TAFA1: variants seen among roughly 807,000 people sequenced by gnomAD.
The protein encoded by TAFA1 is chemokine-like protein TAFA-1.
A neutral mutation model predicts 18.5 loss-of-function variants in TAFA1; 4 were observed. The observed-to-expected ratio is 0.22, with a 90% CI of 0.11 to 0.49. The LOEUF is 0.49. TAFA1 is among the 20% of genes least tolerant of loss of function. The pLI, the probability that TAFA1 is intolerant of heterozygous loss-of-function variation, is 0.98. For missense variants in TAFA1, 147 were observed against 169.0 expected, an observed-to-expected ratio of 0.87 and a Z score of 0.72; for synonymous variants, 56 against 55.2, an observed-to-expected ratio of 1.01 and a Z score of -0.06.
At chr3:68,533,334 C>T (rs574052021) in intron 3 of TAFA1, among the ~76,000 whole-genome samples, 1 of 152,184 alleles carries the variant, frequency 6.6e-6, no homozygotes, top group South Asian at 2.1e-4. Flanking sequence ...GGGGAAATCC[C>T]TTATAAAACC....
intron 2 of TAFA1, among the ~76,000 whole-genome samples, chr3:68,149,683 A>G (rs568619173): frequency 2.0e-5 from 3 of 152,348 alleles, no homozygotes; most frequent in South Asian, 4.1e-4. Flanking sequence ...CCATGACCCA[A>G]ACACCTCGGA....
At chr3:68,388,232 T>C (rs1016605065) in intron 2 of TAFA1, among the ~76,000 whole-genome samples, 1 of 152,138 alleles carries the variant, frequency 6.6e-6, no homozygotes, top group Non-Finnish European at 1.5e-5. Flanking sequence ...GTGAACACGT[T>C]AGTATCACTA....
At chr3:68,181,627 G>C (rs949136131) in intron 2 of TAFA1, among the ~76,000 whole-genome samples, 12 of 152,102 alleles carry the variant, frequency 7.9e-5, no homozygotes, top group African/African-American at 2.7e-4. Flanking sequence ...TTCATATGTG[G>C]TTCCAAATAT....
chr3:68,526,043 G>C (rs2073107358), intron 3 of TAFA1, among the ~76,000 whole-genome samples: 1 of 152,070 alleles, frequency 6.6e-6, no homozygotes, highest in Admixed American at 6.6e-5. Flanking sequence ...TGATTCCCTA[G>C]GATTTGGCTT....
intron 2 of TAFA1, among the ~76,000 whole-genome samples, chr3:68,371,615 C>G (rs2069708315): frequency 6.6e-6 from 1 of 152,078 alleles, no homozygotes; most frequent in Non-Finnish European, 1.5e-5. Context: ...TTTTCTTTAT[C>G]CAGTCTATCA....
intron 3 of TAFA1, among the ~76,000 whole-genome samples, chr3:68,423,689 G>C (rs2071002350): frequency 6.6e-6 from 1 of 151,736 alleles, no homozygotes; most frequent in African/African-American, 2.4e-5. Flanking sequence ...ATTGTTTAAG[G>C]CATAGTGGGA....
intron 3 of TAFA1, among the ~76,000 whole-genome samples, chr3:68,433,677 G>A (rs1029518308): frequency 2.0e-5 from 3 of 152,218 alleles, no homozygotes; most frequent in African/African-American, 7.2e-5. Flanking sequence ...ATGGATTTAT[G>A]TTCCAATTCC....
intron 2 of TAFA1, among the ~76,000 whole-genome samples, chr3:68,187,076 T>C (rs1221216338): frequency 6.6e-6 from 1 of 152,044 alleles, no homozygotes; most frequent in Non-Finnish European, 1.5e-5. Flanking sequence ...AGGAGTACCT[T>C]GTCAATAATG....
chr3:68,276,809 G>A (rs572057890), intron 2 of TAFA1, among the ~76,000 whole-genome samples: 1 of 152,182 alleles, frequency 6.6e-6, no homozygotes, highest in Admixed American at 6.6e-5. Context: ...TGGAGGGAGG[G>A]AGGAGGAAAA....
chr3:68,259,400 G>C (rs2067364745), intron 2 of TAFA1, among the ~76,000 whole-genome samples: 1 of 152,208 alleles, frequency 6.6e-6, no homozygotes, highest in Non-Finnish European at 1.5e-5. Context: ...TTTTGGCTTA[G>C]GAGTGACTTG....
At chr3:68,510,704 GT>G (rs1212373439) in intron 3 of TAFA1, among the ~76,000 whole-genome samples, 5 of 152,140 alleles carry the variant, frequency 3.3e-5, no homozygotes, top group African/African-American at 1.2e-4. Flanking sequence ...GAGTGACATA[GT>G]TAATTAACAA....
chr3:68,032,709 C>T (rs1052931328), intron 2 of TAFA1, among the ~76,000 whole-genome samples: 1 of 152,126 alleles, frequency 6.6e-6, no homozygotes, highest in Non-Finnish European at 1.5e-5. Context: ...GTGTCTGTTT[C>T]CTTCAGTGGA....
chr3:68,295,388 CTCTAAGT>C (rs1327028657), intron 2 of TAFA1, among the ~76,000 whole-genome samples: 2 of 151,494 alleles, frequency 1.3e-5, no homozygotes, highest in African/African-American at 4.9e-5. Flanking sequence ...TTTATCTTGA[CTCTAAGT>C]TCTAAGACCT....
At chr3:68,373,643 C>A (rs533033446) in intron 2 of TAFA1, among the ~76,000 whole-genome samples, 1 of 152,294 alleles carries the variant, frequency 6.6e-6, no homozygotes, top group Middle Eastern at 3.4e-3. Context: ...ACAGCAGACA[C>A]CAGCACGCTC....
intron 3 of TAFA1, among the ~76,000 whole-genome samples, chr3:68,487,700 C>T (rs2072370887): frequency 6.9e-6 from 1 of 145,984 alleles, no homozygotes; most frequent in South Asian, 2.2e-4. Flanking sequence ...TGCAGTGAGC[C>T]GAGATCGCGC....
In TAFA1 at chr3:68,181,095, A is replaced by G. The variant is rs114538544; in HGVS notation, c.118+174351A>G. 5.1e-3 allele frequency among the ~76,000 whole-genome samples: 770 copies of G among 152,210 alleles called. 9 individuals carry two copies. The highest frequency in any genetic ancestry group is 0.018 in the African/African-American group (734 of 41,528). ...TTGGGCCCTTGGTCCAACAAACTAC[A>G]AGGAACTGAACCCTGCCAACAAGCA... is the stretch of plus-strand genomic sequence containing the variant. On this transcript the variant is annotated intron_variant, in intron 2 of 4. Transcript: ENST00000478136.
chr3:68,522,510 G>A (rs1418594470), intron 3 of TAFA1, among the ~76,000 whole-genome samples: 1 of 152,142 alleles, frequency 6.6e-6, no homozygotes, highest in Non-Finnish European at 1.5e-5. Context: ...AATTGGACTG[G>A]TGCTTCAGAG....
intron 2 of TAFA1, among the ~76,000 whole-genome samples, chr3:68,171,028 A>T (rs896984588): frequency 4.6e-5 from 7 of 152,212 alleles, no homozygotes; most frequent in Non-Finnish European, 8.8e-5. Context: ...TCCCCAAAAG[A>T]TGCCCATGTG....
chr3:68,409,373 G>A (rs2106772854), intron 2 of TAFA1, among the ~76,000 whole-genome samples: 1 of 152,276 alleles, frequency 6.6e-6, no homozygotes, highest in East Asian at 1.9e-4. Flanking sequence ...TCAAGAGAGG[G>A]ACCTAGTTGG....
Sources: gnomAD v4.1 joint callset for allele counts (sites outside exome capture counted in the v4.1 genomes callset) on GRCh38, gnomAD v4.1.1 for gene constraint, MANE v1.5 for transcripts, NCBI Gene and HGNC (gene_info 2026-07-23, HGNC 2026-07-21) for gene names.